The following SOWAHB variants were observed in gnomAD, a reference collection of about 807,000 sequenced individuals.
SOWAHB encodes the protein ankyrin repeat domain-containing protein SOWAHB.
SOWAHB carries 17 observed loss-of-function variants against 18.3 expected under a neutral mutation model. That is an observed-to-expected ratio of 0.93 (90% CI 0.64 to 1.40). The LOEUF is 1.40. Among genes scored for constraint, SOWAHB ranks in the 40% most tolerant of loss-of-function variants. SOWAHB has a pLI of 0.00. For missense variants in SOWAHB, 1,126 were observed against 1,033.7 expected, an observed-to-expected ratio of 1.09 and a Z score of -1.22; for synonymous variants, 496 against 448.1, an observed-to-expected ratio of 1.11 and a Z score of -1.35.
chr4:76,897,522 C>T lies in SOWAHB; in HGVS notation c.328G>A (p.Ala110Thr). The T allele has an allele frequency of 7.1e-7, 1 of 1,415,474 alleles. No individual in the cohort carries two copies. Among genetic ancestry groups the T allele is most frequent in the Non-Finnish European group, 9.1e-7 (1 of 1,096,236 alleles). The allele number at this position is 1,415,474 out of a possible 1,614,324, so 87.7% of individuals were successfully genotyped here. Residue 110 changes from alanine (A) to threonine (T), a missense_variant, in exon 1 of 1, where the codon GCG (alanine) becomes ACG (threonine). Ala to Thr is a moderately conservative substitution (Grantham distance 58). Transcript: ENST00000334306. The surrounding 1 kb of genome is among the most constrained non-coding windows in gnomAD (Gnocchi z 6.4). ...GGAAPCSPRG[A>T]RRGEPPQQQP... ...TGCTGGGGCGGCTCCCCCCGGCGCG[C>T]GCCTCGCGGGGAGCAGGGCGCAGCT...
At position 76,896,675 on chromosome 4, in the gene SOWAHB, T is replaced by C; in HGVS notation, c.1175A>G (p.Gln392Arg). The change falls in exon 1 of 1, where the codon CAA becomes CGA. Residue 392 changes from glutamine (Q) to arginine (R), a missense_variant. Gln to Arg is a conservative substitution (Grantham distance 43). Transcript: ENST00000334306. ...FRSIRCQLSLQDLDDFVDQES... is the reference protein window; with the variant it reads ...FRSIRCQLSLRDLDDFVDQES... ...CTGGTCCACAAAGTCATCCAGATCTTGGAGGGACAGCTGACAACGAATGCT... is the reference window on the plus strand; with the variant it reads ...CTGGTCCACAAAGTCATCCAGATCTCGGAGGGACAGCTGACAACGAATGCT... 1.2e-6 allele frequency: 2 copies of C among 1,614,038 alleles called. No individual in the cohort carries two copies. Among genetic ancestry groups the C allele is most frequent in the Non-Finnish European group, 1.7e-6 (2 of 1,180,026 alleles).
At position 76,894,550 on chromosome 4, in the gene SOWAHB, C is replaced by A. The variant is rs144460775; in HGVS notation, c.*918G>T. ...TGCATTCTCTTAACCCTTACTGTTTCCCCAGAGTGAAATCATTTCTCTCTT... is the reference window on the plus strand; with the variant it reads ...TGCATTCTCTTAACCCTTACTGTTTACCCAGAGTGAAATCATTTCTCTCTT... On this transcript the variant is annotated 3_prime_UTR_variant, in exon 1 of 1. Transcript: ENST00000334306. Among the ~76,000 whole-genome samples, 1,015 of 152,312 alleles carry A rather than the reference C, an allele frequency of 6.7e-3. 31 individuals carry two copies. The highest frequency in any genetic ancestry group is 0.05 in the East Asian group (258 of 5,184).
At position 76,895,825 on chromosome 4, in the gene SOWAHB, G is replaced by A. The variant is rs544168778; in HGVS notation, c.2025C>T (p.His675=). 196 of 1,614,228 alleles carry A rather than the reference G, an allele frequency of 1.2e-4. 1 individual carries two copies. In the South Asian group the frequency reaches 2.0e-3, roughly 16 times the overall value. Residue 675 remains histidine (H), a synonymous_variant, in exon 1 of 1, where the codon CAC becomes CAT. Coordinates refer to ENST00000334306, the MANE Select transcript of SOWAHB (RefSeq NM_001029870.3). ...VRSSCGYTPL[H]LAAIHGHQGV... is the part of the protein sequence containing the mutation. ...CCTGGTGGCCGTGAATGGCTGCAAGGTGCAGCGGGGTATATCCACAACTGG... is the reference window on the plus strand; with the variant it reads ...CCTGGTGGCCGTGAATGGCTGCAAGATGCAGCGGGGTATATCCACAACTGG...
Position 76,895,871 on chromosome 4 carries a change from A to C in SOWAHB, c.1979T>G (p.Val660Gly). The C allele has an allele frequency of 1.2e-6, 2 of 1,614,228 alleles. No homozygotes were observed. Among genetic ancestry groups the C allele is most frequent in the Non-Finnish European group, 1.7e-6 (2 of 1,180,042 alleles). ...ACTGGACCTCACGTTTACATCAAGG[A>C]CAATCCCTGCCTTCTTTGCTCCAGA... ...LVSGAKKAGI[V>G]LDVNVRSSCG... Residue 660 changes from valine to glycine, a missense_variant, in exon 1 of 1, where the codon GTC becomes GGC. Transcript: ENST00000334306.
In SOWAHB at chr4:76,894,480, T is replaced by G. The variant is rs1387140141; in HGVS notation, c.*988A>C. Among the ~76,000 whole-genome samples, 1 of 152,226 alleles carries G rather than the reference T, an allele frequency of 6.6e-6. No individual in the cohort carries two copies. Among genetic ancestry groups the G allele is most frequent in the Non-Finnish European group, 1.5e-5 (1 of 68,042 alleles). On this transcript the variant is annotated 3_prime_UTR_variant, in exon 1 of 1. Transcript: ENST00000334306. ...TAATCTTAATTGGCAACAAGTTTAG[T>G]GCAAATACAATTATATTTAGCGGCT...
In SOWAHB at chr4:76,896,361, T is replaced by A. The variant is rs762537657; in HGVS notation, c.1489A>T (p.Arg497Trp). 1 of 1,599,936 alleles carries A rather than the reference T, an allele frequency of 6.3e-7. No individual in the cohort carries two copies. The highest frequency in any genetic ancestry group is 8.5e-7 in the Non-Finnish European group (1 of 1,171,562). Reference protein sequence around the residue: ...WPVPKLRRSLRRSSLAGRAKL... With the variant: ...WPVPKLRRSLWRSSLAGRAKL... ...GCTCTCCCTGCCAGAGAGCTCCTCC[T>A]GAGGGACCTCCTTAACTTAGGAACT... Residue 497 changes from arginine to tryptophan, a missense_variant, in exon 1 of 1, where the codon AGG becomes TGG. By Grantham distance (101) the Arg-to-Trp change is moderately radical. Coordinates refer to ENST00000334306, the MANE Select transcript of SOWAHB (RefSeq NM_001029870.3).
In SOWAHB at chr4:76,897,662, TG is replaced by T; in HGVS notation, c.187del (p.Gln63ArgfsTer184). ...GFVNSVAAVR[Q>X]DPDGTKYVVL... ...CACGTACTTGGTGCCGTCGGGGTCC[TG>T]GCGCACTGCGGCGACCGAGTTGACG... On this transcript the variant is annotated frameshift_variant, in exon 1 of 1. Transcript: ENST00000334306. LOFTEE classifies it low-confidence loss of function (END_TRUNC). This position sits in a 1 kb window ranked among gnomAD's most constrained non-coding sequence, Gnocchi z 6.4. 6.2e-7 allele frequency: 1 copy of T among 1,612,396 alleles called. No individual in the cohort carries two copies. Among genetic ancestry groups the T allele is most frequent in the Non-Finnish European group, 8.5e-7 (1 of 1,179,882 alleles).
chr4:76,896,220 C>G lies in SOWAHB; in HGVS notation c.1630G>C (p.Asp544His), dbSNP rs1365045854. Residue 544 changes from aspartate (D) to histidine (H), a missense_variant, in exon 1 of 1, where the codon GAT becomes CAT. Physicochemically the swap from Asp to His is moderately conservative, Grantham distance 81. Coordinates refer to ENST00000334306, the MANE Select transcript of SOWAHB (RefSeq NM_001029870.3). ...KAGTAPSPRV[D>H]AGLSLKLAEV... ...GCAAGTTTTAGTGATAAACCTGCATCAACCCTTGGGCTGGGTGCCGTTCCT... is the reference window on the plus strand; with the variant it reads ...GCAAGTTTTAGTGATAAACCTGCATGAACCCTTGGGCTGGGTGCCGTTCCT... The G allele has an allele frequency of 6.4e-7, 1 of 1,573,200 alleles. No homozygotes were observed. The highest frequency in any genetic ancestry group is 1.2e-5 in the South Asian group (1 of 86,214).
Position 76,897,971 on chromosome 4 carries a change from T to C in SOWAHB, c.-122A>G. The C allele has an allele frequency of 9.2e-6, 10 of 1,082,378 alleles. No homozygotes were observed. The highest frequency in any genetic ancestry group is 1.3e-5 in the Non-Finnish European group (10 of 778,712). The allele number at this position is 1,082,378 out of a possible 1,614,324, so 67.0% of individuals were successfully genotyped here. A position where few individuals can be genotyped will look rare whatever the true frequency, so the allele number is the denominator to read the frequency against. On this transcript the variant is annotated 5_prime_UTR_variant, in exon 1 of 1. The change abolishes an upstream ATG in the 5' untranslated region. Transcript: ENST00000334306. This position sits in a 1 kb window ranked among gnomAD's most constrained non-coding sequence, Gnocchi z 6.4. ...CCCGGGGCGGCACTAGCCGCCCCCA[T>C]CAGCCGCGGAGGCCAGCGCTGCCCG...
chr4:76,896,237 G>A lies in SOWAHB; in HGVS notation c.1613C>T (p.Ala538Val). ...RSRKPSKAGT[A>V]PSPRVDAGLS... The stretch of plus-strand genomic sequence containing the variant: ...ACCTGCATCAACCCTTGGGCTGGGT[G>A]CCGTTCCTGCCTTGGAGGGCTTCCT... The change falls in exon 1 of 1, where the codon GCA becomes GTA. Residue 538 changes from alanine to valine, a missense_variant. Physicochemically the swap from Ala to Val is moderately conservative, Grantham distance 64 (BLOSUM62 0). Transcript: ENST00000334306. 6.3e-7 allele frequency: 1 copy of A among 1,588,564 alleles called. No homozygotes were observed. The highest frequency in any genetic ancestry group is 8.6e-7 in the Non-Finnish European group (1 of 1,166,734).
In SOWAHB at chr4:76,897,131, T is replaced by A; in HGVS notation, c.719A>T (p.Glu240Val). 6.5e-7 allele frequency: 1 copy of A among 1,542,610 alleles called. No individual in the cohort carries two copies. Among genetic ancestry groups the A allele is most frequent in the African/African-American group, 1.4e-5 (1 of 73,764 alleles). ...CTCAGCTAGCGCGCCTTCTTCCCGC[T>A]CCCTGGAAGCCCCGCGGTCATCCTG... ...PAQDDRGASR[E>V]REEGALAEPA... is the part of the protein sequence containing the mutation. Residue 240 changes from glutamate to valine, a missense_variant, in exon 1 of 1, where the codon GAG becomes GTG. Physicochemically the swap from Glu to Val is moderately radical, Grantham distance 121 (BLOSUM62 -2). Transcript: ENST00000334306. The surrounding 1 kb of genome is among the most constrained non-coding windows in gnomAD (Gnocchi z 6.4).
rs1166957491 is a variant in SOWAHB at position 76,897,920 on chromosome 4, C to T, written c.-71G>A. The T allele has an allele frequency of 6.1e-6, 9 of 1,471,840 alleles. No individual in the cohort carries two copies. The East Asian group carries it at 2.2e-4, about 37-fold the overall frequency. 91.2% of individuals were successfully genotyped at this position (1,471,840 alleles called of 1,614,324 possible). On this transcript the variant is annotated 5_prime_UTR_variant, in exon 1 of 1. Transcript: ENST00000334306. This position sits in a 1 kb window ranked among gnomAD's most constrained non-coding sequence, Gnocchi z 6.4. ...CGGGGCTCTCCCCAGCCAGAGGAAA[C>T]CCTGGCCGGGCGAGTGTCACCTGCG...
chr4:76,896,509 C>T lies in SOWAHB; in HGVS notation c.1341G>A (p.Lys447=). The change falls in exon 1 of 1, where the codon AAG becomes AAA. Residue 447 remains lysine (K), a synonymous_variant. Transcript: ENST00000334306. ...NPAGGLSVSR[K]EGSPSRSPQG... Reference sequence around the variant, plus strand: ...GAGGGCTCCGGCTGGGGCTGCCCTCCTTCCGAGATACAGAAAGGCCCCCAG... The same window carrying T: ...GAGGGCTCCGGCTGGGGCTGCCCTCTTTCCGAGATACAGAAAGGCCCCCAG... 6.2e-7 allele frequency: 1 copy of T among 1,612,920 alleles called. No homozygotes were observed. Among genetic ancestry groups the T allele is most frequent in the African/African-American group, 1.3e-5 (1 of 75,050 alleles).
In SOWAHB at chr4:76,895,948, C is replaced by T. The variant is rs1288691069; in HGVS notation, c.1902G>A (p.Ala634=). The T allele has an allele frequency of 9.9e-6, 16 of 1,614,030 alleles. No homozygotes were observed. Among genetic ancestry groups the T allele is most frequent in the South Asian group, 3.3e-5 (3 of 91,088 alleles). Residue 634 remains alanine, a synonymous_variant, in exon 1 of 1, where the codon GCG becomes GCA. Transcript: ENST00000334306. ...CACCATGTTTGGCTATCCAGTGCAA[C>T]GCAGTGTACCCAGTCAAAAAGTCTT... ...LHKDFLTGYT[A]LHWIAKHGDL...
chr4:76,894,389 G>A lies in SOWAHB; in HGVS notation c.*1079C>T, dbSNP rs1298931947. On this transcript the variant is annotated 3_prime_UTR_variant, in exon 1 of 1. Transcript: ENST00000334306. ...CACTCCATGAACTCACAAGTTATCG[G>A]TCTCTTCAAAAGCAATTAAAAAGGA... Among the ~76,000 whole-genome samples the A allele has an allele frequency of 6.6e-6, 1 of 152,104 alleles. No homozygotes were observed. Among genetic ancestry groups the A allele is most frequent in the Non-Finnish European group, 1.5e-5 (1 of 68,028 alleles).
Position 76,897,997 on chromosome 4 carries a change from C to A in SOWAHB, c.-148G>T. On this transcript the variant is annotated 5_prime_UTR_variant, in exon 1 of 1. Coordinates refer to ENST00000334306, the MANE Select transcript of SOWAHB (RefSeq NM_001029870.3). The surrounding 1 kb of genome is among the most constrained non-coding windows in gnomAD (Gnocchi z 6.4). ...CAGCCGCGGAGGCCAGCGCTGCCCG[C>A]AGCCCGTGAGCGCGCCAGGAGGGCC... 1.2e-6 allele frequency: 1 copy of A among 859,362 alleles called. No individual in the cohort carries two copies. Among genetic ancestry groups the A allele is most frequent in the Non-Finnish European group, 1.7e-6 (1 of 578,266 alleles). 53.2% of individuals were successfully genotyped at this position (859,362 alleles called of 1,614,324 possible).
chr4:76,896,165 C>T lies in SOWAHB; in HGVS notation c.1685G>A (p.Gly562Asp). 1 of 1,556,188 alleles carries T rather than the reference C, an allele frequency of 6.4e-7. No homozygotes were observed. The highest frequency in any genetic ancestry group is 8.7e-7 in the Non-Finnish European group (1 of 1,151,818). ...GGGGACCCACAGGCTGTGTCGCCAA[C>T]CCCGCTCGGCCACAACAGCCTTAAC... ...AEVKAVVAER[G>D]WRHSLWVPSG... is the part of the protein sequence containing the mutation. The change falls in exon 1 of 1, where the codon GGT (glycine) becomes GAT (aspartate). Residue 562 changes from glycine (G) to aspartate (D), a missense_variant. Physicochemically the swap from Gly to Asp is moderately conservative, Grantham distance 94 (BLOSUM62 -1). Coordinates refer to ENST00000334306, the MANE Select transcript of SOWAHB (RefSeq NM_001029870.3).
chr4:76,896,839 C>T lies in SOWAHB; in HGVS notation c.1011G>A (p.Gln337=). Residue 337 remains glutamine, a synonymous_variant, in exon 1 of 1, where the codon CAG becomes CAA. Transcript: ENST00000334306. ...AWSVLPDNFL[Q]LPLEPGSTEP... ...CCGTGGAGCCGGGTTCCAAGGGCAGCTGGAGGAAGTTGTCTGGCAGCACCG... is the reference window on the plus strand; with the variant it reads ...CCGTGGAGCCGGGTTCCAAGGGCAGTTGGAGGAAGTTGTCTGGCAGCACCG... The T allele has an allele frequency of 6.2e-7, 1 of 1,613,786 alleles. No individual in the cohort carries two copies. The highest frequency in any genetic ancestry group is 8.5e-7 in the Non-Finnish European group (1 of 1,180,034).
Position 76,894,727 on chromosome 4 carries a change from T to A in SOWAHB, c.*741A>T, listed in dbSNP as rs1336087502. ...ATTTGGAAAGTTCCCTTCGGGTTGA[T>A]ACAAAAAAGCAGGGCCTGAATGACA... is the stretch of plus-strand genomic sequence containing the variant. On this transcript the variant is annotated 3_prime_UTR_variant, in exon 1 of 1. Coordinates refer to ENST00000334306, the MANE Select transcript of SOWAHB (RefSeq NM_001029870.3). Among the ~76,000 whole-genome samples the A allele has an allele frequency of 6.6e-6, 1 of 152,164 alleles. No homozygotes were observed. Among genetic ancestry groups the A allele is most frequent in the African/African-American group, 2.4e-5 (1 of 41,424 alleles).
Sources: gnomAD v4.1 joint callset for allele counts (sites outside exome capture counted in the v4.1 genomes callset) on GRCh38, gnomAD v4.1.1 for gene constraint, Gnocchi (gnomAD v3.1) non-coding constraint, MANE v1.5 for transcripts, NCBI Gene and HGNC (gene_info 2026-07-23, HGNC 2026-07-21) for gene names.